The following SLC44A5 variants were observed in gnomAD, a reference collection of about 807,000 sequenced individuals.
SLC44A5 encodes choline transporter-like protein 5.
A neutral mutation model predicts 101.8 loss-of-function variants in SLC44A5; 57 were observed. The observed-to-expected ratio is 0.56, with a 90% CI of 0.45 to 0.70. SLC44A5 has a LOEUF of 0.70. SLC44A5 is among the 30% of genes least tolerant of loss of function. The pLI is 0.00. For synonymous variants in SLC44A5, 281 were observed against 290.9 expected (o/e 0.97, Z 0.35); for missense variants, 737 against 853.1 (o/e 0.86, Z 1.70).
chr1:75,696,713 G>T, the SLC44A5 span, among the ~76,000 whole-genome samples: 1 of 151,374 alleles, frequency 6.6e-6, no homozygotes, highest in African/African-American at 2.4e-5. Flanking sequence ...GGCTAACATG[G>T]TGAAACCCCG....
the SLC44A5 span, among the ~76,000 whole-genome samples, chr1:75,629,783 A>C: frequency 6.6e-6 from 1 of 152,228 alleles, no homozygotes; most frequent in Non-Finnish European, 1.5e-5. Flanking sequence ...AATAATTTCC[A>C]GCCAGTGCTT....
chr1:75,450,050 T>C (rs1665815089), intron 2 of SLC44A5, among the ~76,000 whole-genome samples: 1 of 152,144 alleles, frequency 6.6e-6, no homozygotes, highest in Non-Finnish European at 1.5e-5. Context: ...CTTTGTGAGC[T>C]TTATTTAATT....
At chr1:75,477,262 A>T (rs192295514) in intron 2 of SLC44A5, among the ~76,000 whole-genome samples, 22 of 152,326 alleles carry the variant, frequency 1.4e-4, no homozygotes, top group African/African-American at 5.3e-4. Flanking sequence ...GTACATTACC[A>T]TCATCAAAGA....
At chr1:75,248,837 A>G (rs1355145015) in intron 7 of SLC44A5, among the ~76,000 whole-genome samples, 1 of 152,092 alleles carries the variant, frequency 6.6e-6, no homozygotes, top group Admixed American at 6.6e-5. Context: ...AGGGACTTAC[A>G]ACTAAGTGAA....
intron 4 of SLC44A5, among the ~76,000 whole-genome samples, chr1:75,317,766 T>A (rs759717030): frequency 4.6e-5 from 7 of 152,142 alleles, no homozygotes; most frequent in Non-Finnish European, 1.0e-4. Context: ...TCTTGCTCCA[T>A]CCTCACATCA....
intron 5 of SLC44A5, among the ~76,000 whole-genome samples, chr1:75,289,084 G>GGTCCA (rs543077541): frequency 1.7e-4 from 26 of 152,248 alleles, no homozygotes; most frequent in African/African-American, 6.0e-4. Context: ...GTTCCTGAGG[G>GGTCCA]GTCCAGTAGT....
At chr1:75,287,689 G>A (rs1272614) in intron 5 of SLC44A5, among the ~76,000 whole-genome samples, 8 of 152,024 alleles carry the variant, frequency 5.3e-5, no homozygotes, top group Non-Finnish European at 1.2e-4. Flanking sequence ...GGCATCCTGA[G>A]AGCCAAACTG....
chr1:75,610,142 C>T (rs911763818), intron 1 of SLC44A5, among the ~76,000 whole-genome samples: 5 of 121,136 alleles, frequency 4.1e-5, no homozygotes, highest in Admixed American at 8.2e-5. Flanking sequence ...GAAATACACA[C>T]ACACACACAC....
At chr1:75,268,014 C>T (rs1651142856) in intron 6 of SLC44A5, among the ~76,000 whole-genome samples, 1 of 152,220 alleles carries the variant, frequency 6.6e-6, no homozygotes, top group African/African-American at 2.4e-5. Context: ...TGTTGGAACA[C>T]CTTTCTATGT....
chr1:75,350,652 T>A (rs1295472894), intron 3 of SLC44A5, among the ~76,000 whole-genome samples: 1 of 151,534 alleles, frequency 6.6e-6, no homozygotes, highest in Non-Finnish European at 1.5e-5. Context: ...CCCAACACTT[T>A]CGGAGGCCAA....
At chr1:75,538,569 C>A (rs1671179609) in intron 2 of SLC44A5, among the ~76,000 whole-genome samples, 1 of 152,176 alleles carries the variant, frequency 6.6e-6, no homozygotes, top group Admixed American at 6.5e-5. Context: ...AATACAAATA[C>A]AACCTTAGTG....
intron 7 of SLC44A5, among the ~76,000 whole-genome samples, chr1:75,244,682 G>A (rs1274597647): frequency 6.6e-6 from 1 of 152,028 alleles, no homozygotes; most frequent in Non-Finnish European, 1.5e-5. Flanking sequence ...GCCTATCAGT[G>A]CCAAGCCAGA....
At position 75,339,705 on chromosome 1, in the gene SLC44A5, T is replaced by C. The variant is rs1657724026; in HGVS notation, c.53-75A>G. 1.8e-5 allele frequency: 24 copies of C among 1,341,232 alleles called. 1 individual carries two copies. In the South Asian group the frequency reaches 2.6e-4, roughly 15 times the overall value. The allele number at this position is 1,341,232 out of a possible 1,614,324, so 83.1% of individuals were successfully genotyped here. A position where few individuals can be genotyped will look rare whatever the true frequency, so the allele number is the denominator to read the frequency against. ...AATATAAAATATTAATGAAGAAATA[T>C]CTACATATTGGTTAGTCCACTGCTC... On this transcript the variant is annotated intron_variant, in intron 3 of 23. Transcript: ENST00000370859.
the SLC44A5 span, among the ~76,000 whole-genome samples, chr1:75,617,995 C>A: frequency 1.3e-5 from 2 of 152,168 alleles, no homozygotes; most frequent in Non-Finnish European, 2.9e-5. Flanking sequence ...GTTTTACAGA[C>A]GGTGAAATGG....
the SLC44A5 span, among the ~76,000 whole-genome samples, chr1:75,679,632 C>T: frequency 6.6e-6 from 1 of 151,968 alleles, no homozygotes; most frequent in Admixed American, 6.6e-5. Flanking sequence ...TGGAAAGGAA[C>T]AACTGGTACC....
intron 2 of SLC44A5, among the ~76,000 whole-genome samples, chr1:75,532,165 T>C (rs902009826): frequency 3.3e-5 from 5 of 152,174 alleles, no homozygotes; most frequent in Admixed American, 2.6e-4. Context: ...TCAGTAAGTT[T>C]CTCTCCAGCT....
At chr1:75,625,609 C>A in the SLC44A5 span, among the ~76,000 whole-genome samples, 1 of 152,144 alleles carries the variant, frequency 6.6e-6, no homozygotes, top group Non-Finnish European at 1.5e-5. Flanking sequence ...TGACTTTTGA[C>A]AACTCCCATA....
At chr1:75,559,371 C>T (rs1212987067) in intron 1 of SLC44A5, among the ~76,000 whole-genome samples, 1 of 151,994 alleles carries the variant, frequency 6.6e-6, no homozygotes, top group Non-Finnish European at 1.5e-5. Flanking sequence ...AAGCACAGAT[C>T]TGGAAATGCA....
chr1:75,650,960 T>C, the SLC44A5 span, among the ~76,000 whole-genome samples: 3 of 152,338 alleles, frequency 2.0e-5, no homozygotes, highest in Non-Finnish European at 2.9e-5. Flanking sequence ...ATGTCCTTTA[T>C]ACCCAGACTG....
Sources: allele counts gnomAD v4.1 joint callset (sites outside exome capture counted in the v4.1 genomes callset), GRCh38; gene constraint gnomAD v4.1.1; transcripts MANE v1.5; gene names NCBI Gene and HGNC (gene_info 2026-07-23, HGNC 2026-07-21).